The following TMTC2 variants were observed in gnomAD, a reference collection of about 807,000 sequenced individuals.
TMTC2 encodes transmembrane O-mannosyltransferase targeting cadherins 2.
Under a neutral mutation model 82.4 loss-of-function variants are expected in TMTC2, and 43 were observed. The ratio of observed to expected loss-of-function variants is 0.52; its 90% CI spans 0.41 to 0.67. TMTC2 has a LOEUF of 0.67. Ranked by LOEUF, TMTC2 falls within the 30% of genes least tolerant of loss-of-function variation. The pLI, the probability that TMTC2 is intolerant of heterozygous loss-of-function variation, is 0.00. For synonymous variants in TMTC2, 408 were observed against 381.9 expected, an observed-to-expected ratio of 1.07 and a Z score of -0.80; for missense variants, 919 against 1,012.4, an observed-to-expected ratio of 0.91 and a Z score of 1.25.
At chr12:82,791,253 C>G (rs943919242) in intron 1 of TMTC2, among the ~76,000 whole-genome samples, 8 of 152,112 alleles carry the variant, frequency 5.3e-5, no homozygotes, top group African/African-American at 1.7e-4. Context: ...TAGGTCATAA[C>G]ATCCCTACCT....
At chr12:82,767,844 C>T (rs142402816) in intron 1 of TMTC2, among the ~76,000 whole-genome samples, 1 of 152,172 alleles carries the variant, frequency 6.6e-6, no homozygotes, top group Non-Finnish European at 1.5e-5. Context: ...TTAAAGAAAC[C>T]CAGCTCCCCT....
At chr12:83,032,151 G>A (rs1391864477) in intron 9 of TMTC2, among the ~76,000 whole-genome samples, 1 of 151,214 alleles carries the variant, frequency 6.6e-6, no homozygotes, top group Non-Finnish European at 1.5e-5. Context: ...TATAAAATAG[G>A]AGGTTTTTTT....
chr12:82,744,224 A>G (rs2136957373), intron 1 of TMTC2, among the ~76,000 whole-genome samples: 1 of 152,298 alleles, frequency 6.6e-6, no homozygotes, highest in African/African-American at 2.4e-5. Flanking sequence ...GATTGAGACC[A>G]TTCTCGCCAA....
Position 82,825,853 on chromosome 12 carries a change from A to C in TMTC2, c.84-31157A>C, listed in dbSNP as rs958713225. On this transcript the variant is annotated intron_variant, in intron 1 of 11. Transcript: ENST00000321196. ...AGTGTGTTCACTCTGTGATAGGGAAAGCACACACACACACACACACACACA... is the reference window on the plus strand; with the variant it reads ...AGTGTGTTCACTCTGTGATAGGGAACGCACACACACACACACACACACACA... 4.8e-5 allele frequency among the ~76,000 whole-genome samples: 7 copies of C among 144,388 alleles called. No homozygotes were observed. In the East Asian group the frequency reaches 1.2e-3, roughly 24 times the overall value. The allele number at this position is 144,388 out of a possible 152,430, so 94.7% of individuals were successfully genotyped here.
chr12:82,821,004 G>T (rs1869069922), intron 1 of TMTC2, among the ~76,000 whole-genome samples: 1 of 151,918 alleles, frequency 6.6e-6, no homozygotes, highest in Non-Finnish European at 1.5e-5. Flanking sequence ...GACTATAGGT[G>T]CATGCCATTG....
intron 1 of TMTC2, among the ~76,000 whole-genome samples, chr12:82,718,543 G>A (rs1874007235): frequency 1.3e-5 from 2 of 152,150 alleles, no homozygotes; most frequent in East Asian, 1.9e-4. Flanking sequence ...CCTGTGCCCT[G>A]GTGTTGGAGC....
At chr12:83,077,696 T>G (rs767537108) in intron 11 of TMTC2, among the ~76,000 whole-genome samples, 1 of 151,988 alleles carries the variant, frequency 6.6e-6, no homozygotes, top group Non-Finnish European at 1.5e-5. Flanking sequence ...TGCCTCAGCC[T>G]CCCAAGCAGC....
intron 7 of TMTC2, among the ~76,000 whole-genome samples, chr12:82,970,205 T>A (rs1878388137): frequency 6.6e-6 from 1 of 152,220 alleles, no homozygotes; most frequent in African/African-American, 2.4e-5. Context: ...TTTATAAGAT[T>A]TTGGTAATAG....
intron 3 of TMTC2, among the ~76,000 whole-genome samples, chr12:82,905,942 T>A: frequency 6.8e-6 from 1 of 147,236 alleles, no homozygotes. Context: ...CGAAACTCTG[T>A]CTCAAAAAAA....
At chr12:82,747,870 A>G (rs750154234) in intron 1 of TMTC2, among the ~76,000 whole-genome samples, 8 of 152,354 alleles carry the variant, frequency 5.3e-5, no homozygotes, top group Non-Finnish European at 1.0e-4. Context: ...TTTGGTGATC[A>G]TCCTGAATAA....
At position 82,780,803 on chromosome 12, in the gene TMTC2, G is replaced by GT. The variant is rs1229559953; in HGVS notation, c.84-76203dup. On this transcript the variant is annotated intron_variant, in intron 1 of 11. Coordinates refer to ENST00000321196, the MANE Select transcript of TMTC2 (RefSeq NM_152588.3). ...AATAAAATTTCTCAACATGTAAGAA[G>GT]TTTTGTTTTTTTTTTTAATTTGGCT... 9.3e-5 allele frequency among the ~76,000 whole-genome samples: 10 copies of GT among 107,842 alleles called. 1 individual carries two copies. The highest frequency in any genetic ancestry group is 2.0e-4 in the Non-Finnish European group (10 of 49,950). 70.7% of individuals were successfully genotyped at this position (107,842 alleles called of 152,430 possible). A position where few individuals can be genotyped will look rare whatever the true frequency, so the allele number is the denominator to read the frequency against.
chr12:82,927,692 T>C (rs563084626), intron 3 of TMTC2, among the ~76,000 whole-genome samples: 98 of 152,324 alleles, frequency 6.4e-4, no homozygotes, highest in African/African-American at 2.3e-3. Context: ...TAAGAAATTG[T>C]CACAGCCACT....
intron 1 of TMTC2, among the ~76,000 whole-genome samples, chr12:82,750,259 AAG>A (rs1183703979): frequency 2.0e-5 from 3 of 151,806 alleles, no homozygotes; most frequent in African/African-American, 7.3e-5. Context: ...TTTTAATACA[AAG>A]AATGATTGAT....
intron 11 of TMTC2, among the ~76,000 whole-genome samples, chr12:83,122,823 A>G (rs544652754): frequency 1.3e-5 from 2 of 152,272 alleles, no homozygotes; most frequent in Admixed American, 6.5e-5. Context: ...CAGAGCTGCA[A>G]TCTAGTCCTG....
intron 1 of TMTC2, among the ~76,000 whole-genome samples, chr12:82,791,662 C>G (rs1792636326): frequency 6.6e-6 from 1 of 152,078 alleles, no homozygotes; most frequent in South Asian, 2.1e-4. Flanking sequence ...CCAGAAGTTC[C>G]TAAGTTATAG....
chr12:82,932,295 C>G (rs1406429684), intron 4 of TMTC2, among the ~76,000 whole-genome samples: 3 of 152,120 alleles, frequency 2.0e-5, no homozygotes, highest in African/African-American at 7.2e-5. Context: ...GGCCTGTGGT[C>G]TGAATTAGGT....
chr12:82,922,414 G>C (rs1227937882), intron 3 of TMTC2, among the ~76,000 whole-genome samples: 1 of 152,068 alleles, frequency 6.6e-6, no homozygotes, highest in African/African-American at 2.4e-5. Context: ...TCCTTAAGTA[G>C]GATATAGCAT....
At chr12:82,832,491 A>G (rs561620792) in intron 1 of TMTC2, among the ~76,000 whole-genome samples, 10 of 152,292 alleles carry the variant, frequency 6.6e-5, no homozygotes, top group South Asian at 4.1e-4. Flanking sequence ...GTAAATCAGT[A>G]TCTGAGTGAG....
intron 11 of TMTC2, among the ~76,000 whole-genome samples, chr12:83,103,441 G>T (rs574750883): frequency 9.2e-5 from 14 of 152,262 alleles, no homozygotes; most frequent in Admixed American, 1.3e-4. Flanking sequence ...TTCTCAGGAG[G>T]CCTCAAGGCG....
Sources: allele counts gnomAD v4.1 joint callset (sites outside exome capture counted in the v4.1 genomes callset), GRCh38; gene constraint gnomAD v4.1.1; transcripts MANE v1.5; gene names NCBI Gene and HGNC (gene_info 2026-07-23, HGNC 2026-07-21).